ZEB2: variants seen among roughly 807,000 people sequenced by gnomAD.
The protein encoded by ZEB2 is zinc finger E-box-binding homeobox 2.
In ZEB2, 6 loss-of-function variants were observed where a neutral mutation model predicts 99.9. That is an observed-to-expected ratio of 0.06 (90% confidence interval 0.03 to 0.12). The LOEUF (loss-of-function observed/expected upper bound fraction) is 0.12, where lower values mean the gene tolerates loss of function less well. Among genes scored for constraint, ZEB2 ranks in the 10% least tolerant of loss-of-function variants. The pLI is 1.00. For synonymous variants in ZEB2, 517 were observed against 542.5 expected (o/e 0.95, Z 0.65); for missense variants, 969 against 1,502.8 (o/e 0.64, Z 5.87).
chr2:144,503,053 T>C (rs1485185060), intron 2 of ZEB2, among the ~76,000 whole-genome samples: 3 of 152,210 alleles, frequency 2.0e-5, no homozygotes, highest in African/African-American at 4.8e-5. Context: ...TTTCAACCAA[T>C]GATCAAAGAA....
chr2:144,411,780 A>G (rs1445725962), intron 4 of ZEB2, among the ~76,000 whole-genome samples: 1 of 152,176 alleles, frequency 6.6e-6, no homozygotes, highest in Non-Finnish European at 1.5e-5. Flanking sequence ...CATGTAAGAG[A>G]GCTTCAGGAG....
At chr2:144,474,426 T>C (rs1454712484) in intron 2 of ZEB2, among the ~76,000 whole-genome samples, 1 of 152,222 alleles carries the variant, frequency 6.6e-6, no homozygotes, top group Non-Finnish European at 1.5e-5. Flanking sequence ...CAAGTTTCCC[T>C]GTAGGTAAAG....
intron 2 of ZEB2, among the ~76,000 whole-genome samples, chr2:144,450,811 G>T (rs1160888548): frequency 2.6e-5 from 4 of 152,104 alleles, no homozygotes; most frequent in African/African-American, 9.7e-5. Context: ...GAGTAGCTGG[G>T]ATTACAGGCG....
chr2:144,394,375 T>C (rs1489764076), intron 9 of ZEB2: 1 of 152,186 alleles, frequency 6.6e-6, no homozygotes, highest in African/African-American at 2.4e-5. Context: ...CTCACTAAAA[T>C]AAAAGTTGTA....
At chr2:144,515,766 C>T (rs997483046) in intron 2 of ZEB2, among the ~76,000 whole-genome samples, 2 of 146,946 alleles carry the variant, frequency 1.4e-5, no homozygotes, top group Admixed American at 1.4e-4. Context: ...GACACACACA[C>T]GCACACACAC....
intron 4 of ZEB2, among the ~76,000 whole-genome samples, chr2:144,408,620 T>C (rs1703417501): frequency 6.6e-6 from 1 of 152,224 alleles, no homozygotes; most frequent in Admixed American, 6.5e-5. Context: ...ATGAATCTAA[T>C]GTAGTTTTTC....
At chr2:144,447,409 G>A (rs7568133) in intron 2 of ZEB2, among the ~76,000 whole-genome samples, 39,061 of 151,974 alleles carry the variant, frequency 0.26, 5,273 homozygotes, top group African/African-American at 0.32. Context: ...GCCTATATAT[G>A]TTCTTCCTTC....
chr2:144,487,536 C>A (rs1391035850), intron 2 of ZEB2, among the ~76,000 whole-genome samples: 1 of 152,064 alleles, frequency 6.6e-6, no homozygotes, highest in Non-Finnish European at 1.5e-5. Context: ...AAGATACAAA[C>A]TTATTCATAC....
intron 2 of ZEB2, among the ~76,000 whole-genome samples, chr2:144,432,651 A>G (rs1703789362): frequency 6.6e-6 from 1 of 152,176 alleles, no homozygotes; most frequent in Non-Finnish European, 1.5e-5. Context: ...TAGTACAAGT[A>G]CTGTGGAAAT....
At chr2:144,491,236 T>C (rs1418439759) in intron 2 of ZEB2, among the ~76,000 whole-genome samples, 4 of 152,226 alleles carry the variant, frequency 2.6e-5, no homozygotes, top group African/African-American at 4.8e-5. Context: ...TTGGGTTTAC[T>C]TCAGAAGAGT....
chr2:144,513,805 G>A, intron 2 of ZEB2: 1 of 1,536,166 alleles, frequency 6.5e-7, no homozygotes, highest in Non-Finnish European at 8.7e-7. Flanking sequence ...AGGCTGTGTG[G>A]AGATAGTGGG....
rs1463479771 is a variant in ZEB2 at position 144,386,565 on chromosome 2, C to T, written c.*2886G>A. ...AGGGTCTGCCCACCCTCCTCTACTT[C>T]GTGCACACTTTCTTCTTTCCAAGGA... On this transcript the variant is annotated 3_prime_UTR_variant, in exon 10 of 10. Transcript: ENST00000627532. The T allele has an allele frequency of 2.6e-5, 4 of 152,152 alleles. No individual in the cohort carries two copies. The highest frequency in any genetic ancestry group is 1.9e-4 in the East Asian group (1 of 5,192). The allele number at this position is 152,152 out of a possible 1,614,324, so 9.4% of individuals were successfully genotyped here. A position where few individuals can be genotyped will look rare whatever the true frequency, so the allele number is the denominator to read the frequency against.
At chr2:144,499,667 T>G (rs186972777) in intron 2 of ZEB2, among the ~76,000 whole-genome samples, 10 of 152,326 alleles carry the variant, frequency 6.6e-5, no homozygotes, top group Admixed American at 1.3e-4. Context: ...CTTTAAAAAT[T>G]TAATCTCAAG....
chr2:144,481,053 C>G (rs1347382193), intron 2 of ZEB2, among the ~76,000 whole-genome samples: 1 of 151,932 alleles, frequency 6.6e-6, no homozygotes, highest in African/African-American at 2.4e-5. Flanking sequence ...GGCATCTACA[C>G]CTTTGAGTTG....
At chr2:144,476,637 A>T (rs1560640663) in intron 2 of ZEB2, among the ~76,000 whole-genome samples, 1 of 152,236 alleles carries the variant, frequency 6.6e-6, no homozygotes, top group Non-Finnish European at 1.5e-5. Flanking sequence ...AACTTCTCAT[A>T]GGAAAATAAA....
intron 2 of ZEB2, among the ~76,000 whole-genome samples, chr2:144,438,433 T>C (rs1408819468): frequency 6.6e-6 from 1 of 151,074 alleles, no homozygotes; most frequent in African/African-American, 2.4e-5. Context: ...GAGGGGGAAA[T>C]AGAGTCATAG....
intron 2 of ZEB2, among the ~76,000 whole-genome samples, chr2:144,440,646 G>A (rs894281041): frequency 1.3e-5 from 2 of 151,502 alleles, no homozygotes; most frequent in Middle Eastern, 6.8e-3. Flanking sequence ...CACGCATGGT[G>A]TGCCTTGTCC....
chr2:144,438,701 T>G (rs1409863020), intron 2 of ZEB2, among the ~76,000 whole-genome samples: 1 of 152,160 alleles, frequency 6.6e-6, no homozygotes, highest in African/African-American at 2.4e-5. Flanking sequence ...TTAAGCTACA[T>G]CTAATACCTG....
At chr2:144,402,464 A>T (rs986589326) in intron 6 of ZEB2, among the ~76,000 whole-genome samples, 1 of 152,160 alleles carries the variant, frequency 6.6e-6, no homozygotes, top group Non-Finnish European at 1.5e-5. Context: ...CAGCGCTCAT[A>T]TGTTGCTGAG....
Sources: allele counts gnomAD v4.1 joint callset (sites outside exome capture counted in the v4.1 genomes callset), GRCh38; gene constraint gnomAD v4.1.1; transcripts MANE v1.5; gene names NCBI Gene and HGNC (gene_info 2026-07-23, HGNC 2026-07-21).